DCHS2: variants seen among roughly 807,000 people sequenced by gnomAD.
DCHS2 encodes the protein protocadherin-23.
DCHS2 carries 142 observed loss-of-function variants against 182.4 expected under a neutral mutation model. The observed-to-expected ratio is 0.78, with a 90% confidence interval of 0.68 to 0.89. The LOEUF (loss-of-function observed/expected upper bound fraction) is 0.89, where lower values mean the gene tolerates loss of function less well. Ranked by LOEUF, DCHS2 falls within the 40% of genes least tolerant of loss-of-function variation. The pLI, the probability that DCHS2 is intolerant of heterozygous loss-of-function variation, is 0.00. For synonymous variants in DCHS2, 1,740 were observed against 1,663.3 expected, an observed-to-expected ratio of 1.05 and a Z score of -1.12; for missense variants, 4,319 against 4,198.6, an observed-to-expected ratio of 1.03 and a Z score of -0.79.
Position 154,270,018 on chromosome 4 carries a change from A to T in DCHS2, c.6464-5T>A. Reference sequence around the variant, plus strand: ...TAACAGTCACAATAGAAGTACCTGTAAAAATTAGGTAAAAAAAGAACTCCA... The same window carrying T: ...TAACAGTCACAATAGAAGTACCTGTTAAAATTAGGTAAAAAAAGAACTCCA... On this transcript the variant is annotated splice_region_variant and splice_polypyrimidine_tract_variant and intron_variant, in intron 13 of 19. Coordinates refer to ENST00000357232, the MANE Select transcript of DCHS2 (RefSeq NM_001358235.2). The T allele has an allele frequency of 7.5e-6, 12 of 1,590,140 alleles. No individual in the cohort carries two copies. The highest frequency in any genetic ancestry group is 1.0e-5 in the Non-Finnish European group (12 of 1,173,390).
intron 1 of DCHS2, among the ~76,000 whole-genome samples, chr4:154,378,770 C>T (rs951199124): frequency 3.3e-5 from 5 of 152,152 alleles, no homozygotes; most frequent in African/African-American, 1.2e-4. Flanking sequence ...AGGGCATGCT[C>T]TAATGACCAT....
Position 154,235,300 on chromosome 4 carries a change from A to C in DCHS2, c.9352T>G (p.Cys3118Gly), listed in dbSNP as rs1731410041. The change falls in exon 20 of 20, where the codon TGC becomes GGC. Residue 3118 changes from cysteine to glycine, a missense_variant. Cys to Gly is a radical substitution (Grantham distance 159). Transcript: ENST00000357232. ...TGGTCACTCAGAGCTGAGTCTGAGC[A>C]CTTTCTGTAGGGATGCTCATTTATC... ...QRINEHPYRK[C>G]SDSALSDHES... The C allele has an allele frequency of 6.2e-7, 1 of 1,614,052 alleles. No individual in the cohort carries two copies. The highest frequency in any genetic ancestry group is 8.5e-7 in the Non-Finnish European group (1 of 1,179,966).
At chr4:154,430,743 T>A (rs557218517) in intron 1 of DCHS2, among the ~76,000 whole-genome samples, 2 of 152,344 alleles carry the variant, frequency 1.3e-5, no homozygotes, top group East Asian at 3.9e-4. Flanking sequence ...AATTTCAGGA[T>A]CATCTAGTAC....
At chr4:154,392,838 G>C (rs915264125) in intron 1 of DCHS2, among the ~76,000 whole-genome samples, 3 of 152,162 alleles carry the variant, frequency 2.0e-5, no homozygotes, top group Non-Finnish European at 4.4e-5. Flanking sequence ...CTTAGTGTCA[G>C]GGAAAGTCAA....
At chr4:154,270,162 T>A in intron 13 of DCHS2, 149 bp from the exon 14 acceptor site, 1 of 1,036,562 alleles carries the variant, frequency 9.6e-7, no homozygotes, top group Non-Finnish European at 1.4e-6. Flanking sequence ...ATGAGCCAGA[T>A]CCCATGCTAG....
rs1275758216 is a variant in DCHS2, at chr4:154,235,520, C to A, written c.9132G>T (p.Arg3044=). Reference sequence around the variant, plus strand: ...GGAAGGCTTTGAGCACACTGGCATCCCGGGTCACTCTCAAGTCCGCATCTA... The same window carrying A: ...GGAAGGCTTTGAGCACACTGGCATCACGGGTCACTCTCAAGTCCGCATCTA... ...SSLDADLRVT[R]DASVLKAFQK... is the part of the protein sequence containing the mutation. The change falls in exon 20 of 20, where the codon CGG becomes CGT. Residue 3044 remains arginine, a synonymous_variant. Transcript: ENST00000357232. 1 of 1,614,074 alleles carries A rather than the reference C, an allele frequency of 6.2e-7. No individual in the cohort carries two copies. The highest frequency in any genetic ancestry group is 1.3e-5 in the African/African-American group (1 of 75,024).
chr4:154,452,082 C>A (rs577259614), intron 1 of DCHS2, among the ~76,000 whole-genome samples: 22 of 152,148 alleles, frequency 1.4e-4, no homozygotes, highest in Admixed American at 3.3e-4. Context: ...TCATCTAGTG[C>A]TTGTGACACA....
chr4:154,281,211 A>G (rs972076606), intron 13 of DCHS2, among the ~76,000 whole-genome samples: 3 of 152,176 alleles, frequency 2.0e-5, no homozygotes, highest in Non-Finnish European at 2.9e-5. Context: ...AGAAGAAGAA[A>G]AAAAATGCAT....
intron 12 of DCHS2, 120 bp from the exon 13 acceptor site, chr4:154,298,828 T>C: frequency 7.3e-7 from 1 of 1,364,310 alleles, no homozygotes; most frequent in Non-Finnish European, 9.6e-7. Context: ...GATTATATTG[T>C]ATCCTAGCAC....
rs756654965 is a variant in DCHS2, at chr4:154,269,929, T to C, written c.6548A>G (p.Asp2183Gly). 1.2e-6 allele frequency: 2 copies of C among 1,612,474 alleles called. No homozygotes were observed. The highest frequency in any genetic ancestry group is 3.3e-5 in the Admixed American group (2 of 59,840). Residue 2183 changes from aspartate to glycine, a missense_variant, in exon 14 of 20, where the codon GAT (aspartate) becomes GGT (glycine). Coordinates refer to ENST00000357232, the MANE Select transcript of DCHS2 (RefSeq NM_001358235.2). The part of the protein sequence containing the change: ...MKYSIFSGNE[D>G]GVLSLCSKSG... ...CTTAGAGCACAGGGAAAGAACTCCATCTTCATTTCCACTAAAAATTGAATA... is the reference window on the plus strand; with the variant it reads ...CTTAGAGCACAGGGAAAGAACTCCACCTTCATTTCCACTAAAAATTGAATA...
intron 1 of DCHS2, among the ~76,000 whole-genome samples, chr4:154,398,958 C>A (rs1386990733): frequency 6.6e-6 from 1 of 152,136 alleles, no homozygotes; most frequent in Non-Finnish European, 1.5e-5. Flanking sequence ...ACCCTGCTCC[C>A]CATCACCCCC....
At chr4:154,346,247 A>T (rs923590209) in intron 3 of DCHS2, among the ~76,000 whole-genome samples, 5 of 152,224 alleles carry the variant, frequency 3.3e-5, no homozygotes, top group Admixed American at 6.5e-5. Context: ...AGAACTCCAG[A>T]TCAAATATTT....
At chr4:154,442,405 G>A (rs4696574) in intron 1 of DCHS2, among the ~76,000 whole-genome samples, 97,745 of 151,504 alleles carry the variant, frequency 0.65, 32,337 homozygotes, top group Middle Eastern at 0.77. Context: ...CCCTTCCTGA[G>A]TCCCCCAAAC....
intron 1 of DCHS2, among the ~76,000 whole-genome samples, chr4:154,445,387 T>C (rs1456894202): frequency 6.6e-6 from 1 of 152,244 alleles, no homozygotes; most frequent in Non-Finnish European, 1.5e-5. Context: ...CCAGGTCACT[T>C]ATGCAAGTAA....
Position 154,491,688 on chromosome 4 carries a change from TC to T in DCHS2, c.-334del. ...TTCCTTGTTCTACTCGGCTGGTTGT[TC>T]CCCCCTGGTAAAGTCAGGTGCATTA... On this transcript the variant is annotated 5_prime_UTR_variant, in exon 1 of 20. The change abolishes the stop of an existing upstream ORF in the 5' untranslated region. Transcript: ENST00000357232. 1 of 1,137,918 alleles carries T rather than the reference TC, an allele frequency of 8.8e-7. No individual in the cohort carries two copies. The highest frequency in any genetic ancestry group is 1.1e-6 in the Non-Finnish European group (1 of 929,498). The allele number at this position is 1,137,918 out of a possible 1,614,324, so 70.5% of individuals were successfully genotyped here. A position where few individuals can be genotyped will look rare whatever the true frequency, so the allele number is the denominator to read the frequency against.
intron 1 of DCHS2, among the ~76,000 whole-genome samples, chr4:154,416,345 C>T (rs924305904): frequency 6.6e-6 from 1 of 152,214 alleles, no homozygotes; most frequent in Non-Finnish European, 1.5e-5. Flanking sequence ...CTCACAGCGC[C>T]CCCACCTCGC....
chr4:154,404,189 G>A (rs1411209998), intron 1 of DCHS2, among the ~76,000 whole-genome samples: 1 of 151,602 alleles, frequency 6.6e-6, no homozygotes, highest in Non-Finnish European at 1.5e-5. Context: ...TTTAACTGAA[G>A]TTCACAAATT....
At chr4:154,486,821 T>C (rs940194211) in intron 1 of DCHS2, among the ~76,000 whole-genome samples, 2 of 152,144 alleles carry the variant, frequency 1.3e-5, no homozygotes, top group Admixed American at 6.6e-5. Flanking sequence ...ACTAAGAGGC[T>C]TTTGCAAATC....
At chr4:154,250,000 T>G (rs1732273544) in intron 16 of DCHS2, among the ~76,000 whole-genome samples, 1 of 152,072 alleles carries the variant, frequency 6.6e-6, no homozygotes, top group Admixed American at 6.5e-5. Context: ...CTCCTGTAAC[T>G]AAAATAAAAT....
Sources: allele counts gnomAD v4.1 joint callset (sites outside exome capture counted in the v4.1 genomes callset), GRCh38; gene constraint gnomAD v4.1.1; transcripts MANE v1.5; gene names NCBI Gene and HGNC (gene_info 2026-07-23, HGNC 2026-07-21).